The following SNX22 variants were observed in gnomAD, a reference collection of about 807,000 sequenced individuals.
SNX22 encodes sorting nexin-22.
A neutral mutation model predicts 24.7 loss-of-function variants in SNX22; 23 were observed. That is an observed-to-expected ratio of 0.93 (90% CI 0.67 to 1.32). The LOEUF (loss-of-function observed/expected upper bound fraction) is 1.32. Ranked by LOEUF, SNX22 falls within the 40% of genes most tolerant of loss-of-function variation. The pLI, the probability that SNX22 is intolerant of heterozygous loss-of-function variation, is 0.00. For synonymous variants in SNX22, 99 were observed against 104.0 expected (o/e 0.95, Z 0.29); for missense variants, 261 against 249.9 (o/e 1.04, Z -0.30).
In SNX22 at chr15:64,153,541, A is replaced by G. The variant is rs184360093; in HGVS notation, c.360-111A>G. 727 of 1,531,640 alleles carry G rather than the reference A, an allele frequency of 4.7e-4. 1 individual carries two copies. Among genetic ancestry groups the G allele is most frequent in the Non-Finnish European group, 6.2e-4 (683 of 1,107,096 alleles). The allele number at this position is 1,531,640 out of a possible 1,614,324, so 94.9% of individuals were successfully genotyped here. On this transcript the variant is annotated intron_variant, in intron 4 of 6. Transcript: ENST00000325881. ...CCTCCGGAACTGGGGCTTGTTACAA[A>G]TAGAAGCAGTGGTCCCCTGGGAGGT... is the stretch of plus-strand genomic sequence containing the variant.
chr15:64,155,820 T>A lies in SNX22; in HGVS notation c.*1312T>A, dbSNP rs1429932364. 9 of 532,292 alleles carry A rather than the reference T, an allele frequency of 1.7e-5. No individual in the cohort carries two copies. In the East Asian group the frequency reaches 1.9e-4, roughly 11 times the overall value. The allele number at this position is 532,292 out of a possible 1,614,324, so 33.0% of individuals were successfully genotyped here. A position where few individuals can be genotyped will look rare whatever the true frequency, so the allele number is the denominator to read the frequency against. ...AGAACCAGGCCCACACATTATATAT[T>A]AAAAAAAAAAAAACCCACATTTTTT... On this transcript the variant is annotated 3_prime_UTR_variant, in exon 7 of 7. Coordinates refer to ENST00000325881, the MANE Select transcript of SNX22 (RefSeq NM_024798.3).
At chr15:64,152,110 C>G in intron 1 of SNX22, 133 bp from the exon 2 acceptor site, 3 of 949,612 alleles carry the variant, frequency 3.2e-6, no homozygotes, top group Non-Finnish European at 4.4e-6. Context: ...GGAGAGTCCC[C>G]GGGCAGCCGC....
Position 64,155,838 on chromosome 15 carries a change from C to CATTT in SNX22, c.*1331_*1334dup. ...TATATATTAAAAAAAAAAAAACCCA[C>CATTT]ATTTTTTTTTATTGGTCAGTGTTGG... On this transcript the variant is annotated 3_prime_UTR_variant, in exon 7 of 7. Transcript: ENST00000325881. The CATTT allele has an allele frequency of 1.3e-6, 1 of 799,824 alleles. No individual in the cohort carries two copies. The highest frequency in any genetic ancestry group is 1.9e-6 in the Non-Finnish European group (1 of 515,580). The allele number at this position is 799,824 out of a possible 1,614,324, so 49.5% of individuals were successfully genotyped here. A position where few individuals can be genotyped will look rare whatever the true frequency, so the allele number is the denominator to read the frequency against.
In SNX22 at chr15:64,157,060, T is replaced by C; in HGVS notation, c.*2552T>C. On this transcript the variant is annotated 3_prime_UTR_variant, in exon 7 of 7. Transcript: ENST00000325881. This position sits in a 1 kb window ranked among gnomAD's most constrained non-coding sequence, Gnocchi z 4.2. Reference sequence around the variant, plus strand: ...ACATAAAAGCAGCGTCCTTCCTATCTTCTGGCCTCAGAGCCAAGCCATGCT... The same window carrying C: ...ACATAAAAGCAGCGTCCTTCCTATCCTCTGGCCTCAGAGCCAAGCCATGCT... 1.2e-6 allele frequency: 1 copy of C among 844,410 alleles called. No individual in the cohort carries two copies. The allele number at this position is 844,410 out of a possible 1,614,324, so 52.3% of individuals were successfully genotyped here.
Position 64,156,702 on chromosome 15 carries a change from T to TAGC in SNX22, c.*2195_*2197dup. The TAGC allele has an allele frequency of 6.2e-7, 1 of 1,613,758 alleles. No individual in the cohort carries two copies. Among genetic ancestry groups the TAGC allele is most frequent in the Non-Finnish European group, 8.5e-7 (1 of 1,179,678 alleles). Reference sequence around the variant, plus strand: ...ATCCCCGGTGAGGATTGCCCAGTAGTAGCCCTTGCTTCCACAACTCACCAT... The same window carrying TAGC: ...ATCCCCGGTGAGGATTGCCCAGTAGTAGCAGCCCTTGCTTCCACAACTCACCAT... On this transcript the variant is annotated 3_prime_UTR_variant, in exon 7 of 7. Coordinates refer to ENST00000325881, the MANE Select transcript of SNX22 (RefSeq NM_024798.3). The surrounding 1 kb of genome is among the most constrained non-coding windows in gnomAD (Gnocchi z 6.4).
Position 64,156,853 on chromosome 15 carries a change from C to T in SNX22, c.*2345C>T, listed in dbSNP as rs1174043128. The T allele has an allele frequency of 5.0e-6, 8 of 1,614,206 alleles. No homozygotes were observed. Among genetic ancestry groups the T allele is most frequent in the East Asian group, 4.5e-5 (2 of 44,882 alleles). Reference sequence around the variant, plus strand: ...TTGGCCATGCTCACCCAGCCAGGCCCGTAGTGCTTCAGTTTGAAGTTCTCA... The same window carrying T: ...TTGGCCATGCTCACCCAGCCAGGCCTGTAGTGCTTCAGTTTGAAGTTCTCA... On this transcript the variant is annotated 3_prime_UTR_variant, in exon 7 of 7. Coordinates refer to ENST00000325881, the MANE Select transcript of SNX22 (RefSeq NM_024798.3). This position sits in a 1 kb window ranked among gnomAD's most constrained non-coding sequence, Gnocchi z 6.4.
At chr15:64,153,829 A>G in intron 5 of SNX22, 106 bp from the exon 6 acceptor site, 4 of 1,590,054 alleles carry the variant, frequency 2.5e-6, no homozygotes, top group Non-Finnish European at 3.4e-6. Flanking sequence ...TTTCCCACTC[A>G]CCTTTTCCTT....
rs867763180 is a variant in SNX22 at position 64,157,300 on chromosome 15, G to A, written c.*2792G>A. 5.9e-5 allele frequency: 14 copies of A among 236,862 alleles called. No individual in the cohort carries two copies. Among genetic ancestry groups the A allele is most frequent in the Admixed American group, 2.5e-4 (5 of 19,818 alleles). 14.7% of individuals were successfully genotyped at this position (236,862 alleles called of 1,614,324 possible). ...AGGGTCGGAACTCTCCAGAAAAGGA[G>A]GACTGCTGTGGCTGACCAGCCTGTT... On this transcript the variant is annotated 3_prime_UTR_variant, in exon 7 of 7. Coordinates refer to ENST00000325881, the MANE Select transcript of SNX22 (RefSeq NM_024798.3). This position sits in a 1 kb window ranked among gnomAD's most constrained non-coding sequence, Gnocchi z 4.2.
chr15:64,153,824 C>T, intron 5 of SNX22, 111 bp from the exon 6 acceptor site: 2 of 1,591,652 alleles, frequency 1.3e-6, no homozygotes, highest in Non-Finnish European at 1.7e-6. Context: ...GCCCATTTCC[C>T]ACTCACCTTT....
chr15:64,152,621 C>A lies in SNX22; in HGVS notation c.160-17C>A. On this transcript the variant is annotated splice_polypyrimidine_tract_variant and intron_variant, in intron 2 of 6. Transcript: ENST00000325881. The stretch of plus-strand genomic sequence containing the variant: ...TCAGTCGGGATGCTGTGATCGCACG[C>A]GGTAAACCTCCAGTAGATCAAGAAG... 1 of 1,610,408 alleles carries A rather than the reference C, an allele frequency of 6.2e-7. No homozygotes were observed. Among genetic ancestry groups the A allele is most frequent in the Non-Finnish European group, 8.5e-7 (1 of 1,176,816 alleles).
rs1469383853 is a variant in SNX22 at position 64,155,746 on chromosome 15, A to AGTT, written c.*1240_*1242dup. The AGTT allele has an allele frequency of 4.8e-6, 2 of 418,450 alleles. No individual in the cohort carries two copies. The highest frequency in any genetic ancestry group is 1.0e-4 in the East Asian group (2 of 19,220). The allele number at this position is 418,450 out of a possible 1,614,324, so 25.9% of individuals were successfully genotyped here. The stretch of plus-strand genomic sequence containing the variant: ...GGGCAGGCACCCATTGCCACAGGAG[A>AGTT]GTTGCAGGCATGTTGGGATGTAGGC... On this transcript the variant is annotated 3_prime_UTR_variant, in exon 7 of 7. Transcript: ENST00000325881.
intron 5 of SNX22, 55 bp from the exon 6 acceptor site, chr15:64,153,880 G>A (rs2081505343): frequency 1.9e-6 from 3 of 1,595,282 alleles, no homozygotes; most frequent in East Asian, 2.2e-5. Context: ...CCACCCCTCT[G>A]TGGGATTCTG....
chr15:64,156,347 TC>T lies in SNX22; in HGVS notation c.*1841del. ...TGACGAGGGGGTACAGGAATTTTGTTCCTTTGAAGTAAGACCCAGGTTGGGC... is the reference window on the plus strand; with the variant it reads ...TGACGAGGGGGTACAGGAATTTTGTTCTTTGAAGTAAGACCCAGGTTGGGC... On this transcript the variant is annotated 3_prime_UTR_variant, in exon 7 of 7. Coordinates refer to ENST00000325881, the MANE Select transcript of SNX22 (RefSeq NM_024798.3). This position sits in a 1 kb window ranked among gnomAD's most constrained non-coding sequence, Gnocchi z 6.4. 1 of 748,356 alleles carries T rather than the reference TC, an allele frequency of 1.3e-6. No individual in the cohort carries two copies. 46.4% of individuals were successfully genotyped at this position (748,356 alleles called of 1,614,324 possible).
At chr15:64,153,397 G>T in intron 4 of SNX22, 58 bp downstream of exon 4, 2 of 1,607,696 alleles carry the variant, frequency 1.2e-6, no homozygotes, top group Non-Finnish European at 1.7e-6. Flanking sequence ...GTGAGGAAAG[G>T]TGTTGGAGGG....
chr15:64,154,544 T>G lies in SNX22; in HGVS notation c.*36T>G. On this transcript the variant is annotated 3_prime_UTR_variant, in exon 7 of 7. Transcript: ENST00000325881. ...GGCCTTTGGCTGCCTCCTAAGAAAGTCATGTGCCTCTGTCCTATGAACTCC... is the reference window on the plus strand; with the variant it reads ...GGCCTTTGGCTGCCTCCTAAGAAAGGCATGTGCCTCTGTCCTATGAACTCC... 6.2e-7 allele frequency: 1 copy of G among 1,611,198 alleles called. No individual in the cohort carries two copies. The highest frequency in any genetic ancestry group is 8.5e-7 in the Non-Finnish European group (1 of 1,178,160).
Position 64,156,966 on chromosome 15 carries a change from ATTCGGGGCCAG to A in SNX22, c.*2459_*2469del. 6.4e-7 allele frequency: 1 copy of A among 1,570,302 alleles called. No homozygotes were observed. Among genetic ancestry groups the A allele is most frequent in the Non-Finnish European group, 8.7e-7 (1 of 1,143,864 alleles). On this transcript the variant is annotated 3_prime_UTR_variant, in exon 7 of 7. Coordinates refer to ENST00000325881, the MANE Select transcript of SNX22 (RefSeq NM_024798.3). This position sits in a 1 kb window ranked among gnomAD's most constrained non-coding sequence, Gnocchi z 6.4. ...CTGGATTGCGCCAAACCAAGCAGAC[ATTCGGGGCCAG>A]GACTGAGGGGGCTTAACCTGTCCTC...
In SNX22 at chr15:64,157,048, G is replaced by A. The variant is rs1224745976; in HGVS notation, c.*2540G>A. ...TGGACTACAAGGACATAAAAGCAGCGTCCTTCCTATCTTCTGGCCTCAGAG... is the reference window on the plus strand; with the variant it reads ...TGGACTACAAGGACATAAAAGCAGCATCCTTCCTATCTTCTGGCCTCAGAG... On this transcript the variant is annotated 3_prime_UTR_variant, in exon 7 of 7. Transcript: ENST00000325881. The surrounding 1 kb of genome is among the most constrained non-coding windows in gnomAD (Gnocchi z 4.2). 13 of 920,418 alleles carry A rather than the reference G, an allele frequency of 1.4e-5. No individual in the cohort carries two copies. Among genetic ancestry groups the A allele is most frequent in the East Asian group, 2.6e-5 (1 of 37,868 alleles). The allele number at this position is 920,418 out of a possible 1,614,324, so 57.0% of individuals were successfully genotyped here. A position where few individuals can be genotyped will look rare whatever the true frequency, so the allele number is the denominator to read the frequency against.
Position 64,153,338 on chromosome 15 carries a change from G to C in SNX22, c.358G>C (p.Gly120Arg). Residue 120 changes from glycine (G) to arginine (R), a missense_variant and splice_region_variant, in exon 4 of 7, where the codon GGC (glycine) becomes CGC (arginine). Gly to Arg is a moderately radical substitution (Grantham distance 125). Coordinates refer to ENST00000325881, the MANE Select transcript of SNX22 (RefSeq NM_024798.3). ...CACAGACCCCAAGGCTAGCAACTGGGGGTAAGGGGGGCCGATGGCGGGGGC... is the reference window on the plus strand; with the variant it reads ...CACAGACCCCAAGGCTAGCAACTGGCGGTAAGGGGGGCCGATGGCGGGGGC... Reference protein sequence around the residue: ...FPTDPKASNWGTLREFLPGDS... With the variant: ...FPTDPKASNWRTLREFLPGDS... The C allele has an allele frequency of 1.9e-6, 3 of 1,613,756 alleles. No homozygotes were observed. The highest frequency in any genetic ancestry group is 1.7e-6 in the Non-Finnish European group (2 of 1,179,826).
At position 64,156,023 on chromosome 15, in the gene SNX22, C is replaced by G; in HGVS notation, c.*1515C>G. ...ACTCAAAGAAAGATGTCCCTGTGCC[C>G]TACTCCTTGGCGATGGCAAAGGGCT... On this transcript the variant is annotated 3_prime_UTR_variant, in exon 7 of 7. Transcript: ENST00000325881. The surrounding 1 kb of genome is among the most constrained non-coding windows in gnomAD (Gnocchi z 6.4). The G allele has an allele frequency of 6.2e-7, 1 of 1,614,152 alleles. No homozygotes were observed. Among genetic ancestry groups the G allele is most frequent in the Non-Finnish European group, 8.5e-7 (1 of 1,180,010 alleles).
Sources: gnomAD v4.1 joint callset for allele counts on GRCh38, gnomAD v4.1.1 for gene constraint, Gnocchi (gnomAD v3.1) non-coding constraint, MANE v1.5 for transcripts, NCBI Gene and HGNC (gene_info 2026-07-23, HGNC 2026-07-21) for gene names.